Variants in PCGF3 observed in about 807,000 individuals in gnomAD.
The protein encoded by PCGF3 is polycomb group RING finger protein 3.
PCGF3 carries 7 observed loss-of-function variants against 33.1 expected under a neutral mutation model. The observed-to-expected ratio is 0.21, with a 90% CI of 0.12 to 0.40. The LOEUF is 0.40. PCGF3 is among the 10% of genes least tolerant of loss of function. PCGF3 has a pLI of 1.00. For missense variants in PCGF3, 211 were observed against 313.3 expected (o/e 0.67, Z 2.46); for synonymous variants, 153 against 121.3 (o/e 1.26, Z -1.72).
chr4:718,269 C>T (rs1450815859), intron 1 of PCGF3, among the ~76,000 whole-genome samples: 7 of 151,874 alleles, frequency 4.6e-5, no homozygotes, highest in South Asian at 2.1e-4. Context: ...GGGGTAGCCC[C>T]GGGGGCGGCG....
At chr4:743,570 A>C in exon 7 of PCGF3, 1 of 1,604,348 alleles carries the variant, frequency 6.2e-7, no homozygotes, top group Non-Finnish European at 8.5e-7. Context: ...CAGCACTTAG[A>C]TTCCCATCGG....
At chr4:741,082 A>G (rs1030218485) in intron 6 of PCGF3, among the ~76,000 whole-genome samples, 1 of 152,358 alleles carries the variant, frequency 6.6e-6, no homozygotes, top group East Asian at 1.9e-4. Flanking sequence ...GTCATACTGT[A>G]GCTATGCTGA....
exon 3 of PCGF3, chr4:730,984 G>A (rs1442811862): frequency 7.5e-6 from 3 of 398,456 alleles, no homozygotes; most frequent in South Asian, 2.5e-4. Flanking sequence ...TGGAAAAAGA[G>A]CCAGGGCCGG....
At chr4:706,601 A>C (rs1166812444) in intron 1 of PCGF3, among the ~76,000 whole-genome samples, 48 of 112,166 alleles carry the variant, frequency 4.3e-4, no homozygotes, top group African/African-American at 1.5e-3. Context: ...GGGACCCCAG[A>C]CCAGGCAGGA....
intron 1 of PCGF3, among the ~76,000 whole-genome samples, chr4:710,246 C>T (rs565616988): frequency 5.9e-5 from 9 of 152,270 alleles, no homozygotes; most frequent in South Asian, 2.1e-4. Context: ...GGGGAGGGTC[C>T]GCAGCCAGGC....
At chr4:761,171 AGG>A in intron 8 of PCGF3, 106 bp from the exon 9 acceptor site, 1 of 786,584 alleles carries the variant, frequency 1.3e-6, no homozygotes. Context: ...GATCTCAAAA[AGG>A]TCAGCAGTCC....
At chr4:742,602 G>A (rs979757663) in intron 6 of PCGF3, among the ~76,000 whole-genome samples, 1 of 152,202 alleles carries the variant, frequency 6.6e-6, no homozygotes, top group Non-Finnish European at 1.5e-5. Context: ...CCCTTAGGGG[G>A]CCTTTGCCGA....
intron 1 of PCGF3, among the ~76,000 whole-genome samples, chr4:715,093 C>G (rs1188585774): frequency 1.4e-4 from 18 of 132,124 alleles, no homozygotes; most frequent in African/African-American, 5.3e-4. Context: ...GTGCTGGGAC[C>G]CTGTAGACTC....
intron 5 of PCGF3, among the ~76,000 whole-genome samples, chr4:736,724 CT>C (rs1743850861): frequency 6.6e-6 from 1 of 150,630 alleles, no homozygotes; most frequent in Non-Finnish European, 1.5e-5. Context: ...ACGGTGTCCC[CT>C]GAGCGCACGG....
intron 1 of PCGF3, among the ~76,000 whole-genome samples, chr4:715,703 G>T (rs551577428): frequency 7.8e-6 from 1 of 127,662 alleles, no homozygotes; most frequent in African/African-American, 3.0e-5. Context: ...GTCGGTGCTG[G>T]GACCCTGTAG....
intron 1 of PCGF3, among the ~76,000 whole-genome samples, chr4:714,532 C>G (rs1162102069): frequency 6.6e-6 from 1 of 152,238 alleles, no homozygotes; most frequent in African/African-American, 2.4e-5. Flanking sequence ...CTTACCTCTT[C>G]CCAGCTGTCT....
At chr4:764,863 T>A (rs1745276127) in intron 9 of PCGF3, 121 bp from the exon 10 acceptor site, 1 of 661,416 alleles carries the variant, frequency 1.5e-6, no homozygotes, top group Non-Finnish European at 2.8e-6. Context: ...CCCCACCCCA[T>A]CTCTAGGCAC....
chr4:761,800 T>C (rs1420566938), intron 9 of PCGF3: 1 of 985,290 alleles, frequency 1.0e-6, no homozygotes, highest in African/African-American at 1.7e-5. Flanking sequence ...GAAGGAGTGC[T>C]GGCATGAGGC....
chr4:706,423 G>A (rs141728233), intron 1 of PCGF3, among the ~76,000 whole-genome samples: 7,841 of 132,130 alleles, frequency 0.059, 583 homozygotes, highest in East Asian at 0.12. Flanking sequence ...GCAGGACTCC[G>A]GGAGGTCGAA....
In PCGF3 at chr4:743,863, G is replaced by C. The variant is rs116513518; in HGVS notation, c.373+279G>C. The C allele has an allele frequency of 4.1e-3, 1,274 of 313,486 alleles. 17 individuals are homozygous for C. The highest frequency in any genetic ancestry group is 0.025 in the African/African-American group (1,162 of 46,780). The allele number at this position is 313,486 out of a possible 1,614,324, so 19.4% of individuals were successfully genotyped here. A position where few individuals can be genotyped will look rare whatever the true frequency, so the allele number is the denominator to read the frequency against. On this transcript the variant is annotated intron_variant, in intron 7 of 10. Coordinates refer to ENST00000362003, the Ensembl canonical transcript of PCGF3. ...AGGGTTCAGAAGGCCTGTGGAAAGA[G>C]TAGTGGAAGGTGAACTTCCTGAGAC...
intron 6 of PCGF3, among the ~76,000 whole-genome samples, chr4:738,958 C>T (rs1458082293): frequency 6.6e-6 from 1 of 152,216 alleles, no homozygotes; most frequent in African/African-American, 2.4e-5. Flanking sequence ...GACCACCACC[C>T]CCCGCCAGCA....
At chr4:711,913 A>G (rs2109513259) in intron 1 of PCGF3, among the ~76,000 whole-genome samples, 1 of 151,656 alleles carries the variant, frequency 6.6e-6, no homozygotes, top group South Asian at 2.1e-4. Context: ...GTGATCTGAG[A>G]TTGCACTCCA....
chr4:737,634 C>T (rs1743892331), intron 6 of PCGF3, 113 bp downstream of exon 6: 3 of 710,622 alleles, frequency 4.2e-6, no homozygotes, highest in African/African-American at 3.6e-5. Context: ...TTGGCCGAAT[C>T]ACCGTCTTCT....
Position 753,309 on chromosome 4 carries a change from G to A in PCGF3, c.463-7970G>A, listed in dbSNP as rs561432882. On this transcript the variant is annotated intron_variant, in intron 8 of 10. Transcript: ENST00000362003. ...AGTGCTTCTCCCAACTCAGCCTCCC[G>A]AGTAGGGACCACAGGTGTGAGCCAC... Among the ~76,000 whole-genome samples, 336 of 152,264 alleles carry A rather than the reference G, an allele frequency of 2.2e-3. 1 individual carries two copies. Among genetic ancestry groups the A allele is most frequent in the African/African-American group, 7.7e-3 (322 of 41,552 alleles).
Sources: gnomAD v4.1 joint callset for allele counts (sites outside exome capture counted in the v4.1 genomes callset) on GRCh38, gnomAD v4.1.1 for gene constraint, MANE v1.5 for transcripts, NCBI Gene and HGNC (gene_info 2026-07-23, HGNC 2026-07-21) for gene names.